The following ZNF385D variants were observed in gnomAD, a reference collection of about 807,000 sequenced individuals.
ZNF385D encodes the protein zinc finger protein 385D.
ZNF385D carries 15 observed loss-of-function variants against 35.8 expected under a neutral mutation model. The observed-to-expected ratio is 0.42, with a 90% CI of 0.28 to 0.64. The LOEUF (loss-of-function observed/expected upper bound fraction) is 0.64, where lower values mean the gene tolerates loss of function less well. ZNF385D is among the 30% of genes least tolerant of loss of function. The pLI is 0.23. For missense variants in ZNF385D, 474 were observed against 494.6 expected (o/e 0.96, Z 0.39); for synonymous variants, 212 against 186.8 (o/e 1.13, Z -1.10).
chr3:21,921,065 GA>G (rs63446760), intron 3 of ZNF385D, among the ~76,000 whole-genome samples: 59,159 of 147,886 alleles, frequency 0.4, 12,187 homozygotes, highest in Admixed American at 0.55. Flanking sequence ...AATACAAAAA[GA>G]AAAAAAAAAT....
At chr3:21,898,172 G>C (rs1309534540) in intron 3 of ZNF385D, among the ~76,000 whole-genome samples, 1 of 152,144 alleles carries the variant, frequency 6.6e-6, no homozygotes, top group African/African-American at 2.4e-5. Context: ...AAACAAAAAA[G>C]AAACAATGCA....
At chr3:21,534,676 C>G (rs2061996712) in intron 3 of ZNF385D, among the ~76,000 whole-genome samples, 1 of 152,118 alleles carries the variant, frequency 6.6e-6, no homozygotes, top group Non-Finnish European at 1.5e-5. Flanking sequence ...GCCAAGTTAT[C>G]TTACAGCAGC....
At chr3:22,151,757 T>C (rs1056364394) in intron 3 of ZNF385D, among the ~76,000 whole-genome samples, 2 of 152,134 alleles carry the variant, frequency 1.3e-5, no homozygotes, top group African/African-American at 2.4e-5. Context: ...AGAATAATAT[T>C]TGACCAAATA....
chr3:21,628,410 CTGAT>C (rs1180032569), intron 2 of ZNF385D, among the ~76,000 whole-genome samples: 2 of 151,972 alleles, frequency 1.3e-5, no homozygotes, highest in African/African-American at 4.8e-5. Flanking sequence ...CTGCCACTAA[CTGAT>C]TGTGTTACCT....
intron 2 of ZNF385D, among the ~76,000 whole-genome samples, chr3:21,584,532 A>G (rs938001470): frequency 1.3e-5 from 2 of 152,118 alleles, no homozygotes; most frequent in African/African-American, 4.8e-5. Context: ...TTTCAATACT[A>G]CAAATCTTGG....
chr3:21,619,914 AT>A (rs1300138531), intron 2 of ZNF385D, among the ~76,000 whole-genome samples: 5 of 152,176 alleles, frequency 3.3e-5, no homozygotes, highest in Non-Finnish European at 7.4e-5. Flanking sequence ...GGTTCTTTGC[AT>A]GCAGCAGCCA....
At chr3:21,817,587 C>T (rs12631082) in intron 3 of ZNF385D, among the ~76,000 whole-genome samples, 35,080 of 152,110 alleles carry the variant, frequency 0.23, 5,293 homozygotes, top group East Asian at 0.67. Flanking sequence ...CTCATCATCA[C>T]TGGCCATCAG....
intron 4 of ZNF385D, chr3:21,443,140 G>T: frequency 1.0e-6 from 1 of 985,352 alleles, no homozygotes; most frequent in Non-Finnish European, 1.2e-6. Flanking sequence ...AGGCTGTGGA[G>T]AAATCAAGTG....
At chr3:22,356,657 A>C (rs755669767) in intron 2 of ZNF385D, among the ~76,000 whole-genome samples, 2 of 151,978 alleles carry the variant, frequency 1.3e-5, no homozygotes, top group Non-Finnish European at 2.9e-5. Flanking sequence ...ATAGAATGCA[A>C]AGTGTTATGA....
chr3:21,598,931 G>A (rs932837706), intron 2 of ZNF385D, among the ~76,000 whole-genome samples: 1 of 152,170 alleles, frequency 6.6e-6, no homozygotes, highest in East Asian at 1.9e-4. Flanking sequence ...TGAGCTGAAT[G>A]GAACAACTAG....
At chr3:22,280,087 G>T (rs1412803058) in intron 2 of ZNF385D, among the ~76,000 whole-genome samples, 1 of 152,052 alleles carries the variant, frequency 6.6e-6, no homozygotes, top group African/African-American at 2.4e-5. Context: ...CTTCTTTTGT[G>T]AATTGTCTAT....
intron 2 of ZNF385D, among the ~76,000 whole-genome samples, chr3:22,216,456 G>A (rs1292817527): frequency 6.6e-6 from 1 of 152,046 alleles, no homozygotes; most frequent in Admixed American, 6.6e-5. Context: ...CTGGAACTAG[G>A]TCTATTAAAA....
chr3:22,097,180 G>C (rs192621627), intron 3 of ZNF385D, among the ~76,000 whole-genome samples: 1 of 152,176 alleles, frequency 6.6e-6, no homozygotes, highest in Admixed American at 6.6e-5. Flanking sequence ...AATCCTTTCT[G>C]AATTGTAGAT....
intron 3 of ZNF385D, among the ~76,000 whole-genome samples, chr3:21,925,210 A>G (rs1700668062): frequency 6.6e-6 from 1 of 152,144 alleles, no homozygotes; most frequent in Non-Finnish European, 1.5e-5. Flanking sequence ...TTGAAAAAGA[A>G]AAAGTGGGAG....
chr3:21,765,222 G>C (rs551144770), intron 3 of ZNF385D, among the ~76,000 whole-genome samples: 14 of 151,842 alleles, frequency 9.2e-5, no homozygotes, highest in Non-Finnish European at 1.8e-4. Context: ...GTGTGTGAGA[G>C]AGAGAGAGAG....
At chr3:21,567,652 A>G (rs779177338) in intron 2 of ZNF385D, among the ~76,000 whole-genome samples, 15 of 152,166 alleles carry the variant, frequency 9.9e-5, no homozygotes, top group Non-Finnish European at 1.5e-4. Context: ...TCTGTGCACA[A>G]ACGGGATGTG....
Position 21,413,831 on chromosome 3 carries a change from T to A in ZNF385D, c.*7383A>T, listed in dbSNP as rs112544930. On this transcript the variant is annotated 3_prime_UTR_variant, in exon 8 of 8. Transcript: ENST00000281523. ...CTTCAATTTATAGTCACTAAATGCA[T>A]GTGGATTAAAATATTTTTAGATCTC... 1 of 152,104 alleles carries A rather than the reference T, an allele frequency of 6.6e-6. No individual in the cohort carries two copies. The highest frequency in any genetic ancestry group is 2.4e-5 in the African/African-American group (1 of 41,436). 9.4% of individuals were successfully genotyped at this position (152,104 alleles called of 1,614,324 possible). A position where few individuals can be genotyped will look rare whatever the true frequency, so the allele number is the denominator to read the frequency against.
chr3:21,846,620 T>A (rs190336632), intron 3 of ZNF385D, among the ~76,000 whole-genome samples: 2 of 152,012 alleles, frequency 1.3e-5, no homozygotes, highest in East Asian at 3.9e-4. Flanking sequence ...AGCAGCAGAG[T>A]ACTACTGCGG....
intron 3 of ZNF385D, among the ~76,000 whole-genome samples, chr3:22,167,185 T>C (rs1706391549): frequency 6.6e-6 from 1 of 152,156 alleles, no homozygotes; most frequent in African/African-American, 2.4e-5. Context: ...TCCCATCTGG[T>C]GTGCTTTCCT....
Sources: gnomAD v4.1 joint callset for allele counts (sites outside exome capture counted in the v4.1 genomes callset) on GRCh38, gnomAD v4.1.1 for gene constraint, MANE v1.5 for transcripts, NCBI Gene and HGNC (gene_info 2026-07-23, HGNC 2026-07-21) for gene names.